Variants in FER1L6 observed in about 807,000 individuals in gnomAD.
The protein encoded by FER1L6 is fer-1 like family member 6.
FER1L6 carries 177 observed loss-of-function variants against 219.2 expected under a neutral mutation model. The observed-to-expected ratio is 0.81, with a 90% CI of 0.71 to 0.91. The LOEUF (loss-of-function observed/expected upper bound fraction) is 0.91, where lower values mean the gene tolerates loss of function less well. FER1L6 is among the 40% of genes least tolerant of loss of function. The probability of loss-of-function intolerance (pLI) is 0.00; values close to 1 mark genes in which losing one functional copy is unlikely to be tolerated. For missense variants in FER1L6, 2,153 were observed against 2,259.9 expected, an observed-to-expected ratio of 0.95 and a Z score of 0.96; for synonymous variants, 768 against 824.3, an observed-to-expected ratio of 0.93 and a Z score of 1.17.
Position 123,975,951 on chromosome 8 carries a change from A to G in FER1L6, c.737A>G (p.Tyr246Cys), listed in dbSNP as rs1054075839. 3 of 1,613,922 alleles carry G rather than the reference A, an allele frequency of 1.9e-6. No individual in the cohort carries two copies. Among genetic ancestry groups the G allele is most frequent in the Non-Finnish European group, 8.5e-7 (1 of 1,179,942 alleles). ...FPLERPWARF[Y>C]VRLYKAEGLP... ...CTGGAGAGACCGTGGGCCAGATTCT[A>G]TGTGAGACTCTACAAAGCAGAAGGG... The change falls in exon 9 of 41, where the codon TAT (tyrosine) becomes TGT (cysteine). Residue 246 changes from tyrosine to cysteine, a missense_variant. Tyr to Cys is a radical substitution (Grantham distance 194, BLOSUM62 -2). Coordinates refer to ENST00000522917, the MANE Select transcript of FER1L6 (RefSeq NM_001039112.2).
chr8:123,857,225 C>T (rs1413000031), intron 1 of FER1L6, among the ~76,000 whole-genome samples: 1 of 152,114 alleles, frequency 6.6e-6, no homozygotes, highest in African/African-American at 2.4e-5. Flanking sequence ...AAAAGTAGTC[C>T]AGGCCTTGGC....
chr8:123,932,752 G>T (rs1465254712), intron 1 of FER1L6, among the ~76,000 whole-genome samples: 2 of 152,206 alleles, frequency 1.3e-5, no homozygotes, highest in Non-Finnish European at 1.5e-5. Flanking sequence ...GGGCGTTGGA[G>T]TATTAAACAC....
intron 1 of FER1L6, among the ~76,000 whole-genome samples, chr8:123,944,965 G>A (rs570645034): frequency 2.3e-4 from 35 of 152,248 alleles, no homozygotes; most frequent in South Asian, 8.3e-4. Flanking sequence ...GGAGTGTTGC[G>A]TCATATTTAT....
intron 11 of FER1L6, among the ~76,000 whole-genome samples, chr8:123,982,851 T>C (rs762714673): frequency 1.3e-5 from 2 of 152,214 alleles, no homozygotes; most frequent in Non-Finnish European, 2.9e-5. Context: ...CCTCATTCTG[T>C]GGATCCTCCT....
At chr8:123,901,090 T>C (rs1812847603) in intron 1 of FER1L6, among the ~76,000 whole-genome samples, 1 of 152,236 alleles carries the variant, frequency 6.6e-6, no homozygotes, top group South Asian at 2.1e-4. Flanking sequence ...CCAATTCTTC[T>C]TTGAATGTCT....
chr8:123,865,655 C>G (rs1432137411), intron 1 of FER1L6, among the ~76,000 whole-genome samples: 1 of 151,184 alleles, frequency 6.6e-6, no homozygotes, highest in Non-Finnish European at 1.5e-5. Flanking sequence ...TAGGACCCTC[C>G]GAGCCAGGTG....
At chr8:123,969,918 G>T in intron 5 of FER1L6, 117 bp from the exon 6 acceptor site, 1 of 732,310 alleles carries the variant, frequency 1.4e-6, no homozygotes, top group Non-Finnish European at 2.5e-6. Flanking sequence ...AATTGATGAT[G>T]TATATATATT....
rs150897340 is a variant in FER1L6 at position 124,059,193 on chromosome 8, G to A, written c.2875-987G>A. ...CAGGCAGACAAACAGCCCCAGTAAG[G>A]AGAACCACCTGCTCCAAAGCAATGT... On this transcript the variant is annotated intron_variant, in intron 22 of 40. Transcript: ENST00000522917. 2.3e-3 allele frequency among the ~76,000 whole-genome samples: 353 copies of A among 152,276 alleles called. 2 individuals are homozygous for A. The highest frequency in any genetic ancestry group is 8.9e-3 in the South Asian group (43 of 4,828).
At position 124,003,204 on chromosome 8, in the gene FER1L6, TG is replaced by T. The variant is rs1054622774; in HGVS notation, c.1560del (p.Ser521ValfsTer42). 2 of 1,613,966 alleles carry T rather than the reference TG, an allele frequency of 1.2e-6. No homozygotes were observed. Among genetic ancestry groups the T allele is most frequent in the African/African-American group, 2.7e-5 (2 of 74,896 alleles). ...GNLIDGGSHH[G>X]SKKSAESAEE... ...ACCTGATTGATGGAGGATCCCATCA[TG>T]GGAGTAAGAAGTCAGCTGAATCAGC... On this transcript the variant is annotated frameshift_variant, in exon 13 of 41. Coordinates refer to ENST00000522917, the MANE Select transcript of FER1L6 (RefSeq NM_001039112.2). LOFTEE classifies it high-confidence loss of function.
intron 1 of FER1L6, among the ~76,000 whole-genome samples, chr8:123,934,723 C>A (rs1259875376): frequency 6.6e-6 from 1 of 152,054 alleles, no homozygotes; most frequent in Non-Finnish European, 1.5e-5. Flanking sequence ...CTCTGTATTG[C>A]CACACAAATC....
At position 124,071,595 on chromosome 8, in the gene FER1L6, C is replaced by A. The variant is rs1356274947; in HGVS notation, c.4056C>A (p.His1352Gln). The A allele has an allele frequency of 1.2e-6, 2 of 1,614,158 alleles. No individual in the cohort carries two copies. Among genetic ancestry groups the A allele is most frequent in the East Asian group, 4.5e-5 (2 of 44,880 alleles). The change falls in exon 31 of 41, where the codon CAC (histidine) becomes CAA (glutamine). Residue 1352 changes from histidine (H) to glutamine (Q), a missense_variant. Physicochemically the swap from His to Gln is conservative, Grantham distance 24. Coordinates refer to ENST00000522917, the MANE Select transcript of FER1L6 (RefSeq NM_001039112.2). The stretch of plus-strand genomic sequence containing the variant: ...TCCAGCAAGGGATTCCGCCCAATCA[C>A]CCTGTCACAGTGCTGATCAGAGTAT... ...LRIQQGIPPN[H>Q]PVTVLIRVYI...
intron 14 of FER1L6, among the ~76,000 whole-genome samples, chr8:124,013,137 G>A (rs187139443): frequency 6.6e-6 from 1 of 152,128 alleles, no homozygotes; most frequent in African/African-American, 2.4e-5. Flanking sequence ...TTCCCCAGAG[G>A]GTAGATTCTA....
chr8:123,898,391 G>A (rs1238669504), intron 1 of FER1L6, among the ~76,000 whole-genome samples: 1 of 151,814 alleles, frequency 6.6e-6, no homozygotes, highest in Non-Finnish European at 1.5e-5. Context: ...CGTCACCCAA[G>A]CAGTATACAC....
chr8:123,949,830 T>A (rs1394651313), intron 1 of FER1L6, among the ~76,000 whole-genome samples: 1 of 152,180 alleles, frequency 6.6e-6, no homozygotes, highest in Non-Finnish European at 1.5e-5. Flanking sequence ...GATGCCGTAC[T>A]CTAATAATTC....
At chr8:123,991,614 G>A (rs1364868929) in intron 12 of FER1L6, among the ~76,000 whole-genome samples, 3 of 151,934 alleles carry the variant, frequency 2.0e-5, no homozygotes, top group Non-Finnish European at 4.4e-5. Flanking sequence ...GGTTTTCTAG[G>A]TATATCATCA....
At chr8:123,993,084 T>C (rs1007920827) in intron 12 of FER1L6, among the ~76,000 whole-genome samples, 6 of 152,200 alleles carry the variant, frequency 3.9e-5, no homozygotes, top group Admixed American at 1.3e-4. Context: ...TTTTAAAAGT[T>C]TGAGATTTGT....
intron 32 of FER1L6, among the ~76,000 whole-genome samples, chr8:124,079,798 C>T (rs1821458910): frequency 6.6e-6 from 1 of 152,084 alleles, no homozygotes; most frequent in African/African-American, 2.4e-5. Flanking sequence ...GAGAGCTTGA[C>T]CTGGTTGGGA....
intron 1 of FER1L6, among the ~76,000 whole-genome samples, chr8:123,925,379 C>T (rs1813523745): frequency 1.3e-5 from 2 of 152,182 alleles, no homozygotes; most frequent in African/African-American, 4.8e-5. Flanking sequence ...CAGGATGCAA[C>T]ATGACACCTG....
intron 39 of FER1L6, among the ~76,000 whole-genome samples, chr8:124,107,792 C>G (rs1324238681): frequency 6.6e-6 from 1 of 152,144 alleles, no homozygotes; most frequent in Non-Finnish European, 1.5e-5. Flanking sequence ...GAAGATCCCT[C>G]TTTGTCTTTG....
Sources: allele counts gnomAD v4.1 joint callset (sites outside exome capture counted in the v4.1 genomes callset), GRCh38; gene constraint gnomAD v4.1.1; transcripts MANE v1.5; gene names NCBI Gene and HGNC (gene_info 2026-07-23, HGNC 2026-07-21).